Variants in LMX1B observed in about 807,000 individuals in gnomAD.
LMX1B encodes LIM homeobox transcription factor 1 beta, also known as LIM homeobox transcription factor 1-beta.
A neutral mutation model predicts 51.4 loss-of-function variants in LMX1B; 12 were observed. That is an observed-to-expected ratio of 0.23 (90% CI 0.15 to 0.38). The LOEUF (loss-of-function observed/expected upper bound fraction) is 0.38. Among genes scored for constraint, LMX1B ranks in the 10% least tolerant of loss-of-function variants. The probability of loss-of-function intolerance (pLI) is 1.00; values close to 1 mark genes in which losing one functional copy is unlikely to be tolerated. For synonymous variants in LMX1B, 237 were observed against 235.4 expected (o/e 1.01, Z -0.06); for missense variants, 445 against 571.1 (o/e 0.78, Z 2.25).
Position 126,691,068 on chromosome 9 carries a change from G to T in LMX1B, c.559G>T (p.Val187Leu). ...CGTGAGCCCCGACGAGTCCGACTCC[G>T]GTGAGGCCTGGCCTGAGCTGGGGGC... ...SSVSPDESDSVKSEDEDGDMK... is the reference protein window; with the variant it reads ...SSVSPDESDSLKSEDEDGDMK... Residue 187 changes from valine (V) to leucine (L), a missense_variant and splice_region_variant, in exon 3 of 8, where the codon GTG becomes TTG. By Grantham distance (32) the Val-to-Leu change is conservative (BLOSUM62 1). Coordinates refer to ENST00000373474, the MANE Select transcript of LMX1B (RefSeq NM_001174147.2). 1 of 1,605,060 alleles carries T rather than the reference G, an allele frequency of 6.2e-7. No individual in the cohort carries two copies. The highest frequency in any genetic ancestry group is 8.5e-7 in the Non-Finnish European group (1 of 1,175,516).
chr9:126,670,956 TG>T (rs1267592154), intron 2 of LMX1B, among the ~76,000 whole-genome samples: 1 of 152,150 alleles, frequency 6.6e-6, no homozygotes, highest in African/African-American at 2.4e-5. Flanking sequence ...GCATGAGGAT[TG>T]GGAGCCCAGC....
chr9:126,682,545 C>T (rs1183674368), intron 2 of LMX1B, among the ~76,000 whole-genome samples: 2 of 152,216 alleles, frequency 1.3e-5, no homozygotes, highest in African/African-American at 4.8e-5. Context: ...TGTCTCTCTT[C>T]TCACTGCTCT....
chr9:126,677,033 A>C lies in LMX1B; in HGVS notation c.327-13803A>C, dbSNP rs376036623. ...CGGTGATTAAGCGGCTCAGGCAGGC[A>C]GCGGGCGGCTGGGGCGGGGCATGGG... is the stretch of plus-strand genomic sequence containing the variant. On this transcript the variant is annotated intron_variant, in intron 2 of 7. Transcript: ENST00000373474. This position sits in a 1 kb window ranked among gnomAD's most constrained non-coding sequence, Gnocchi z 5.0. 3.2e-3 allele frequency among the ~76,000 whole-genome samples: 491 copies of C among 152,296 alleles called. 1 individual carries two copies. Among genetic ancestry groups the C allele is most frequent in the African/African-American group, 0.011 (470 of 41,576 alleles).
chr9:126,623,796 G>T lies in LMX1B; in HGVS notation c.326+8227G>T, dbSNP rs114518483. ...CCCCCTGTAGGGCCAGCCCTGGCCA[G>T]CGGAAGAAAAAGGTTAGAATAATTG... On this transcript the variant is annotated intron_variant, in intron 2 of 7. Transcript: ENST00000373474. Among the ~76,000 whole-genome samples, 1,303 of 152,336 alleles carry T rather than the reference G, an allele frequency of 8.6e-3. 17 individuals are homozygous for T. Among genetic ancestry groups the T allele is most frequent in the African/African-American group, 0.03 (1,261 of 41,590 alleles).
intron 2 of LMX1B, among the ~76,000 whole-genome samples, chr9:126,670,985 G>T (rs889822435): frequency 6.6e-6 from 1 of 152,160 alleles, no homozygotes; most frequent in African/African-American, 2.4e-5. Context: ...GACCTCCCAC[G>T]CTAGCTGCCA....
intron 2 of LMX1B, among the ~76,000 whole-genome samples, chr9:126,664,674 G>A (rs552307436): frequency 2.2e-4 from 34 of 152,342 alleles, no homozygotes; most frequent in African/African-American, 7.9e-4. Context: ...AGGAGTGCAA[G>A]ACCAGCCTGA....
chr9:126,628,603 G>T (rs1835575993), intron 2 of LMX1B, among the ~76,000 whole-genome samples: 1 of 152,190 alleles, frequency 6.6e-6, no homozygotes, highest in Non-Finnish European at 1.5e-5. Context: ...TTTTCCCAGA[G>T]ATCTGAAGCG....
intron 2 of LMX1B, among the ~76,000 whole-genome samples, chr9:126,667,891 A>G (rs1207938110): frequency 1.3e-5 from 2 of 152,192 alleles, no homozygotes; most frequent in Non-Finnish European, 2.9e-5. Flanking sequence ...AAATCAATCA[A>G]TCAATGAACG....
intron 2 of LMX1B, among the ~76,000 whole-genome samples, chr9:126,642,323 T>C (rs1428824139): frequency 2.0e-5 from 3 of 152,132 alleles, no homozygotes; most frequent in Admixed American, 6.5e-5. Context: ...TTCCAAGATC[T>C]CCTGGCCCCT....
chr9:126,689,916 G>A (rs12335646), intron 2 of LMX1B, among the ~76,000 whole-genome samples: 5 of 152,212 alleles, frequency 3.3e-5, no homozygotes, highest in African/African-American at 4.8e-5. Context: ...GATTAAATGC[G>A]TCTCTGCATA....
At chr9:126,667,364 C>G (rs1047857143) in intron 2 of LMX1B, among the ~76,000 whole-genome samples, 1 of 152,240 alleles carries the variant, frequency 6.6e-6, no homozygotes. Flanking sequence ...ATTTATGAAC[C>G]CATTTCCCTA....
At position 126,641,197 on chromosome 9, in the gene LMX1B, A is replaced by C. The variant is rs1835802797; in HGVS notation, c.326+25628A>C. 1 of 152,182 alleles carries C rather than the reference A, an allele frequency of 6.6e-6. No individual in the cohort carries two copies. The highest frequency in any genetic ancestry group is 2.1e-4 in the South Asian group (1 of 4,824). The allele number at this position is 152,182 out of a possible 1,614,324, so 9.4% of individuals were successfully genotyped here. ...AGGCTCCTCTGGCCTGTAGGCCCCG[A>C]GTTCTGGTCTGGAAGGTCCCCTTTC... On this transcript the variant is annotated intron_variant, in intron 2 of 7. Transcript: ENST00000373474. This position sits in a 1 kb window ranked among gnomAD's most constrained non-coding sequence, Gnocchi z 4.1.
intron 1 of LMX1B, among the ~76,000 whole-genome samples, chr9:126,614,896 C>T (rs572344770): frequency 5.5e-4 from 84 of 152,144 alleles, no homozygotes; most frequent in African/African-American, 2.0e-3. Context: ...ATCACCTTGG[C>T]GAGCTTGGGA....
chr9:126,658,242 C>T lies in LMX1B; in HGVS notation c.327-32594C>T, dbSNP rs1836156968. Among the ~76,000 whole-genome samples, 1 of 151,920 alleles carries T rather than the reference C, an allele frequency of 6.6e-6. No homozygotes were observed. ...GAGGGGGGTGAGTCTACAAAGGGTA[C>T]CAAATGTCAGGCTTGGGGTTTGGAG... On this transcript the variant is annotated intron_variant, in intron 2 of 7. Transcript: ENST00000373474. The surrounding 1 kb of genome is among the most constrained non-coding windows in gnomAD (Gnocchi z 4.0).
At chr9:126,638,435 C>T (rs2118875561) in intron 2 of LMX1B, among the ~76,000 whole-genome samples, 1 of 152,342 alleles carries the variant, frequency 6.6e-6, no homozygotes, top group African/African-American at 2.4e-5. Context: ...CTGCCCTGCC[C>T]GCAGCCCTGC....
chr9:126,664,134 C>T (rs1836295567), intron 2 of LMX1B, among the ~76,000 whole-genome samples: 1 of 152,102 alleles, frequency 6.6e-6, no homozygotes, highest in African/African-American at 2.4e-5. Flanking sequence ...CCCTCGTCTG[C>T]CTCCAGCCAC....
chr9:126,691,276 C>CTA (rs1429416554), intron 3 of LMX1B, among the ~76,000 whole-genome samples: 2 of 152,120 alleles, frequency 1.3e-5, no homozygotes, highest in African/African-American at 4.8e-5. Context: ...GCACACTACC[C>CTA]CTGAGACCTA....
chr9:126,636,292 C>T (rs12684585), intron 2 of LMX1B, among the ~76,000 whole-genome samples: 7,510 of 152,136 alleles, frequency 0.049, 641 homozygotes, highest in East Asian at 0.41. Context: ...GGGCTCCTCA[C>T]CCAGACTTAG....
intron 2 of LMX1B, among the ~76,000 whole-genome samples, chr9:126,672,141 T>C (rs1836470837): frequency 6.6e-6 from 1 of 152,250 alleles, no homozygotes; most frequent in African/African-American, 2.4e-5. Context: ...TTCAAATCCC[T>C]TGGGCCTGTC....
Sources: gnomAD v4.1 joint callset for allele counts (sites outside exome capture counted in the v4.1 genomes callset) on GRCh38, gnomAD v4.1.1 for gene constraint, Gnocchi (gnomAD v3.1) non-coding constraint, MANE v1.5 for transcripts, NCBI Gene and HGNC (gene_info 2026-07-23, HGNC 2026-07-21) for gene names.